The following PTH2R variants were observed in gnomAD, a reference collection of about 807,000 sequenced individuals.
The protein encoded by PTH2R is parathyroid hormone 2 receptor.
A neutral mutation model predicts 60.3 loss-of-function variants in PTH2R; 59 were observed. The observed-to-expected ratio is 0.98, with a 90% CI of 0.79 to 1.22. The LOEUF is 1.22. Among genes scored for constraint, PTH2R ranks in the 50% most tolerant of loss-of-function variants. The pLI, the probability that PTH2R is intolerant of heterozygous loss-of-function variation, is 0.00. For synonymous variants in PTH2R, 256 were observed against 243.8 expected (o/e 1.05, Z -0.47); for missense variants, 749 against 682.6 (o/e 1.10, Z -1.08).
intron 1 of PTH2R, among the ~76,000 whole-genome samples, chr2:208,394,925 C>T (rs1701178187): frequency 1.3e-5 from 2 of 152,130 alleles, no homozygotes; most frequent in South Asian, 4.1e-4. Flanking sequence ...AACTGAATGG[C>T]CATTTTGCTG....
At chr2:208,464,436 C>T (rs1012702683) in intron 9 of PTH2R, among the ~76,000 whole-genome samples, 14 of 152,258 alleles carry the variant, frequency 9.2e-5, no homozygotes, top group Non-Finnish European at 1.3e-4. Flanking sequence ...TCCAGGTCTG[C>T]GTGAAGATGT....
In PTH2R at chr2:208,407,028, T is replaced by C; in HGVS notation, c.-16T>C. On this transcript the variant is annotated 5_prime_UTR_variant, in exon 1 of 13. Transcript: ENST00000272847. ...CTGGAGGAGGGTCCCTGCTTCTTCC[T>C]ACAGCCGTTCCGGGCATGGCCGGGC... 5 of 1,390,790 alleles carry C rather than the reference T, an allele frequency of 3.6e-6. No individual in the cohort carries two copies. The highest frequency in any genetic ancestry group is 4.7e-6 in the Non-Finnish European group (5 of 1,067,376). The allele number at this position is 1,390,790 out of a possible 1,614,324, so 86.2% of individuals were successfully genotyped here. A position where few individuals can be genotyped will look rare whatever the true frequency, so the allele number is the denominator to read the frequency against.
At position 208,470,506 on chromosome 2, in the gene PTH2R, T is replaced by C. The variant is rs564742131; in HGVS notation, c.981+10545T>C. Among the ~76,000 whole-genome samples the C allele has an allele frequency of 3.8e-4, 58 of 152,240 alleles. 1 individual carries two copies. Among genetic ancestry groups the C allele is most frequent in the African/African-American group, 1.4e-3 (57 of 41,492 alleles). ...TGTTCTCGTGATAGTGAATTTGTTA[T>C]GAGATCTGATGATTATATAAGGGGG... On this transcript the variant is annotated intron_variant, in intron 9 of 12. Transcript: ENST00000272847.
chr2:208,462,843 C>G (rs1246695004), intron 9 of PTH2R, among the ~76,000 whole-genome samples: 1 of 152,170 alleles, frequency 6.6e-6, no homozygotes, highest in East Asian at 1.9e-4. Context: ...ATGTCAAGAG[C>G]TGAGGCTGCA....
At chr2:208,413,636 A>G (rs1298809598) in intron 1 of PTH2R, among the ~76,000 whole-genome samples, 2 of 152,244 alleles carry the variant, frequency 1.3e-5, no homozygotes, top group African/African-American at 4.8e-5. Context: ...ACTAAATGGA[A>G]CATGTATTAT....
intron 9 of PTH2R, among the ~76,000 whole-genome samples, chr2:208,475,060 G>A (rs569221798): frequency 1.3e-5 from 2 of 152,304 alleles, no homozygotes; most frequent in South Asian, 4.1e-4. Flanking sequence ...CATGGTTTTT[G>A]CTATTTGATG....
At chr2:208,477,958 CTACTAG>C (rs139495845) in intron 9 of PTH2R, among the ~76,000 whole-genome samples, 2 of 25,158 alleles carry the variant, frequency 7.9e-5, no homozygotes, top group South Asian at 1.2e-3. Flanking sequence ...ACTAGCACTA[CTACTAG>C]TACTAGTACT....
At chr2:208,425,255 C>A (rs1701834145) in intron 1 of PTH2R, among the ~76,000 whole-genome samples, 1 of 151,680 alleles carries the variant, frequency 6.6e-6, no homozygotes, top group Non-Finnish European at 1.5e-5. Flanking sequence ...AAAGCTGAAC[C>A]CTTGAGATAT....
At chr2:208,387,574 A>G (rs1701024934) in intron 1 of PTH2R, among the ~76,000 whole-genome samples, 1 of 152,248 alleles carries the variant, frequency 6.6e-6, no homozygotes, top group Non-Finnish European at 1.5e-5. Context: ...GAGCCATTTA[A>G]CTACATTAGA....
At chr2:208,444,405 C>T (rs542773460) in intron 6 of PTH2R, among the ~76,000 whole-genome samples, 5 of 152,292 alleles carry the variant, frequency 3.3e-5, no homozygotes, top group African/African-American at 1.2e-4. Flanking sequence ...ATATGGGTAA[C>T]ATTTTCTTCT....
At chr2:208,397,234 A>T (rs1000427336) in intron 1 of PTH2R, among the ~76,000 whole-genome samples, 1 of 152,102 alleles carries the variant, frequency 6.6e-6, no homozygotes, top group Non-Finnish European at 1.5e-5. Flanking sequence ...CAGCAAACCA[A>T]CATGGCACAT....
chr2:208,487,644 A>T (rs1459755229), intron 10 of PTH2R, among the ~76,000 whole-genome samples: 1 of 152,226 alleles, frequency 6.6e-6, no homozygotes, highest in Non-Finnish European at 1.5e-5. Context: ...TCTGTAGGTC[A>T]GGAATCTGGG....
chr2:208,489,745 C>A (rs775198939), intron 11 of PTH2R, among the ~76,000 whole-genome samples: 1 of 152,094 alleles, frequency 6.6e-6, no homozygotes, highest in Non-Finnish European at 1.5e-5. Flanking sequence ...ACTCACATAC[C>A]ATTGTTTGGC....
At chr2:208,366,459 T>C (rs1482344884) in intron 1 of PTH2R, among the ~76,000 whole-genome samples, 1 of 152,198 alleles carries the variant, frequency 6.6e-6, no homozygotes, top group Non-Finnish European at 1.5e-5. Flanking sequence ...TTTTACCTTC[T>C]CACCTTGCAA....
chr2:208,482,994 G>T (rs142732984), intron 10 of PTH2R, among the ~76,000 whole-genome samples: 4 of 152,272 alleles, frequency 2.6e-5, no homozygotes, highest in Middle Eastern at 3.4e-3. Flanking sequence ...ACCTGGCATT[G>T]TCTTTACATA....
At chr2:208,364,546 A>T (rs898959996) in intron 1 of PTH2R, among the ~76,000 whole-genome samples, 3 of 152,044 alleles carry the variant, frequency 2.0e-5, no homozygotes, top group African/African-American at 4.8e-5. Flanking sequence ...ATGTGTACAC[A>T]AGTTTATTTC....
chr2:208,413,998 C>G (rs150881982), intron 1 of PTH2R, among the ~76,000 whole-genome samples: 1 of 152,140 alleles, frequency 6.6e-6, no homozygotes, highest in Admixed American at 6.5e-5. Flanking sequence ...ATATCCCCCA[C>G]GTCTGCTTTT....
chr2:208,491,533 G>A (rs1337037109), intron 12 of PTH2R, among the ~76,000 whole-genome samples: 1 of 152,162 alleles, frequency 6.6e-6, no homozygotes, highest in Non-Finnish European at 1.5e-5. Flanking sequence ...CAGACTAAGA[G>A]TTTTTAAGGG....
rs569799793 is a variant in PTH2R, at chr2:208,440,441, A to AT, written c.412-1915dup. Among the ~76,000 whole-genome samples, 9 of 152,202 alleles carry AT rather than the reference A, an allele frequency of 5.9e-5. No homozygotes were observed. The South Asian group carries it at 1.0e-3, about 18-fold the overall frequency. ...TAAGAGAAAATAATAAGTAATTAAT[A>AT]TTTTTTTTAAAAGAAACAAGAGGCA... On this transcript the variant is annotated intron_variant, in intron 4 of 12. Transcript: ENST00000272847.
Sources: allele counts gnomAD v4.1 joint callset (sites outside exome capture counted in the v4.1 genomes callset), GRCh38; gene constraint gnomAD v4.1.1; transcripts MANE v1.5; gene names NCBI Gene and HGNC (gene_info 2026-07-23, HGNC 2026-07-21).